SLIT1: variants seen among roughly 807,000 people sequenced by gnomAD.
SLIT1 encodes the protein slit homolog 1 protein.
SLIT1 carries 66 observed loss-of-function variants against 186.1 expected under a neutral mutation model. The ratio of observed to expected loss-of-function variants is 0.35; its 90% CI spans 0.29 to 0.44. SLIT1 has a LOEUF of 0.44. Among genes scored for constraint, SLIT1 ranks in the 20% least tolerant of loss-of-function variants. SLIT1 has a pLI of 1.00. For missense variants in SLIT1, 1,638 were observed against 2,037.4 expected, an observed-to-expected ratio of 0.80 and a Z score of 3.77; for synonymous variants, 761 against 833.8, an observed-to-expected ratio of 0.91 and a Z score of 1.50.
In SLIT1 at chr10:97,002,185, C is replaced by T. The variant is rs953050600; in HGVS notation, c.4339G>A (p.Gly1447Ser). Residue 1447 changes from glycine to serine, a missense_variant, in exon 36 of 37, where the codon GGC becomes AGC. Gly to Ser is a moderately conservative substitution (Grantham distance 56). Transcript: ENST00000266058. ...TGCTCACACAGCTCGCCCGAAAAGC[C>T]GGGGTCACACACACAGTGTGCCCCC... ...TKGAHCVCDP[G>S]FSGELCEQES... The T allele has an allele frequency of 9.3e-6, 14 of 1,501,114 alleles. No individual in the cohort carries two copies. Among genetic ancestry groups the T allele is most frequent in the Admixed American group, 6.7e-5 (3 of 44,860 alleles). 93.0% of individuals were successfully genotyped at this position (1,501,114 alleles called of 1,614,324 possible). A position where few individuals can be genotyped will look rare whatever the true frequency, so the allele number is the denominator to read the frequency against.
At chr10:97,084,079 C>T (rs1399791891) in intron 4 of SLIT1, among the ~76,000 whole-genome samples, 1 of 152,212 alleles carries the variant, frequency 6.6e-6, no homozygotes, top group Non-Finnish European at 1.5e-5. Flanking sequence ...ACTACACCTC[C>T]TGGTCTGGTG....
At chr10:97,073,781 C>T (rs902930438) in intron 4 of SLIT1, among the ~76,000 whole-genome samples, 10 of 151,484 alleles carry the variant, frequency 6.6e-5, no homozygotes, top group African/African-American at 2.4e-4. Context: ...GTCATGTAAC[C>T]TCTCTGGCCC....
chr10:97,013,043 A>G (rs1383630290), intron 30 of SLIT1, among the ~76,000 whole-genome samples: 2 of 152,210 alleles, frequency 1.3e-5, no homozygotes, highest in East Asian at 3.8e-4. Flanking sequence ...ACAGACCAAC[A>G]ACTTTTACCC....
Position 97,066,094 on chromosome 10 carries a change from G to A in SLIT1, c.414-8C>T. ...GCGTTCTCACTCAAGTCCCTGGGAG[G>A]ATAAAGCCAGAGGGAGAGAAAACAC... On this transcript the variant is annotated splice_polypyrimidine_tract_variant and splice_region_variant and intron_variant, in intron 4 of 36. Coordinates refer to ENST00000266058, the MANE Select transcript of SLIT1 (RefSeq NM_003061.3). 2 of 1,594,728 alleles carry A rather than the reference G, an allele frequency of 1.3e-6. No individual in the cohort carries two copies. The highest frequency in any genetic ancestry group is 1.1e-5 in the South Asian group (1 of 88,092).
intron 13 of SLIT1, among the ~76,000 whole-genome samples, chr10:97,055,872 T>C (rs1848831661): frequency 1.3e-5 from 2 of 152,222 alleles, no homozygotes; most frequent in Admixed American, 6.5e-5. Flanking sequence ...CTAAGTGATG[T>C]ACCACTGATT....
At chr10:97,019,233 C>T (rs917775928) in intron 26 of SLIT1, 126 bp from the exon 27 acceptor site, 11 of 647,206 alleles carry the variant, frequency 1.7e-5, no homozygotes, top group East Asian at 2.7e-5. Context: ...TTCCCCAGAT[C>T]GTGCTCACAC....
chr10:97,030,794 C>G lies in SLIT1; in HGVS notation c.2545G>C (p.Glu849Gln). ...LHGNDISTLQ[E>Q]GIFADVTSLS... is the part of the protein sequence containing the mutation. Reference sequence around the variant, plus strand: ...GAGGTCACGTCTGCAAAGATGCCCTCTTGGAGGGTGGAGATGTCATTGCCG... The same window carrying G: ...GAGGTCACGTCTGCAAAGATGCCCTGTTGGAGGGTGGAGATGTCATTGCCG... Residue 849 changes from glutamate (E) to glutamine (Q), a missense_variant, in exon 25 of 37, where the codon GAG becomes CAG. This residue lies in a region of SLIT1 where 1,245 missense variants were observed against 1,535.3 expected (regional missense o/e 0.81). Coordinates refer to ENST00000266058, the MANE Select transcript of SLIT1 (RefSeq NM_003061.3). The G allele has an allele frequency of 6.2e-7, 1 of 1,614,070 alleles. No homozygotes were observed. Among genetic ancestry groups the G allele is most frequent in the Non-Finnish European group, 8.5e-7 (1 of 1,180,000 alleles).
chr10:97,111,836 AT>A (rs1377727162), intron 4 of SLIT1, among the ~76,000 whole-genome samples: 6 of 152,148 alleles, frequency 3.9e-5, no homozygotes, highest in African/African-American at 1.2e-4. Flanking sequence ...ATCGTCTTCA[AT>A]TTAACACACC....
rs1304081880 is a variant in SLIT1, at chr10:97,056,273, A to G, written c.1301+48T>C. On this transcript the variant is annotated intron_variant, in intron 13 of 36. Transcript: ENST00000266058. Reference sequence around the variant, plus strand: ...GTCCCTGGAGGCTGCAACCTCCCCCAGGCCCACCTGCTGGGAGGGGAGAAG... The same window carrying G: ...GTCCCTGGAGGCTGCAACCTCCCCCGGGCCCACCTGCTGGGAGGGGAGAAG... The G allele has an allele frequency of 6.9e-6, 11 of 1,604,770 alleles. No individual in the cohort carries two copies. In the East Asian group the frequency reaches 2.2e-4, roughly 33 times the overall value.
intron 4 of SLIT1, among the ~76,000 whole-genome samples, chr10:97,091,773 A>G (rs892061942): frequency 9.2e-5 from 14 of 152,218 alleles, no homozygotes; most frequent in African/African-American, 3.4e-4. Context: ...AGCTCGTAGG[A>G]GCACAAACAG....
Position 97,021,136 on chromosome 10 carries a change from C to A in SLIT1, c.2746+114G>T. On this transcript the variant is annotated intron_variant, in intron 26 of 36. Transcript: ENST00000266058. The surrounding 1 kb of genome is among the most constrained non-coding windows in gnomAD (Gnocchi z 4.5). Reference sequence around the variant, plus strand: ...AGCCGCAGGTGCCTTGTTCCTGTCCCCTGACCCCCCGCCCAGCGGTCACCA... The same window carrying A: ...AGCCGCAGGTGCCTTGTTCCTGTCCACTGACCCCCCGCCCAGCGGTCACCA... 2 of 1,044,414 alleles carry A rather than the reference C, an allele frequency of 1.9e-6. No homozygotes were observed. The highest frequency in any genetic ancestry group is 3.5e-5 in the South Asian group (2 of 57,838). 64.7% of individuals were successfully genotyped at this position (1,044,414 alleles called of 1,614,324 possible).
chr10:97,141,284 A>G (rs879853791), intron 4 of SLIT1, among the ~76,000 whole-genome samples: 9 of 152,172 alleles, frequency 5.9e-5, no homozygotes, highest in Non-Finnish European at 1.3e-4. Context: ...CCCTGGACCC[A>G]GCTTCTAGAA....
intron 13 of SLIT1, among the ~76,000 whole-genome samples, chr10:97,050,342 T>G (rs1003152589): frequency 7.9e-5 from 12 of 152,174 alleles, no homozygotes; most frequent in African/African-American, 2.9e-4. Context: ...CCAGGGTCTG[T>G]GCCCAGCTCA....
rs375875633 is a variant in SLIT1 at position 97,071,889 on chromosome 10, T to C, written c.414-5803A>G. Among the ~76,000 whole-genome samples the C allele has an allele frequency of 2.8e-4, 43 of 152,346 alleles. No homozygotes were observed. In the South Asian group the frequency reaches 8.9e-3, roughly 32 times the overall value. On this transcript the variant is annotated intron_variant, in intron 4 of 36. Transcript: ENST00000266058. ...TTATAATTAATGGGGTTTGAGTGTC[T>C]GTTTCTTATAATAGCATCAAAGTAC...
At chr10:97,092,395 C>T (rs539291648) in intron 4 of SLIT1, among the ~76,000 whole-genome samples, 2 of 152,300 alleles carry the variant, frequency 1.3e-5, no homozygotes, top group East Asian at 3.9e-4. Flanking sequence ...AAAGTGGGCC[C>T]AAGGATTTGT....
intron 4 of SLIT1, among the ~76,000 whole-genome samples, chr10:97,141,681 T>TGTATCGTATC (rs535747840): frequency 2.1e-5 from 3 of 140,910 alleles, no homozygotes; most frequent in African/African-American, 8.3e-5. Flanking sequence ...TGTATCGTAT[T>TGTATCGTATC]GTATCGTATC....
Position 97,006,433 on chromosome 10 carries a change from G to A in SLIT1, c.3579+50C>T, listed in dbSNP as rs769835432. 7.5e-7 allele frequency: 1 copy of A among 1,331,312 alleles called. No homozygotes were observed. The highest frequency in any genetic ancestry group is 1.7e-5 in the Admixed American group (1 of 58,524). 82.5% of individuals were successfully genotyped at this position (1,331,312 alleles called of 1,614,324 possible). On this transcript the variant is annotated intron_variant, in intron 32 of 36. Coordinates refer to ENST00000266058, the MANE Select transcript of SLIT1 (RefSeq NM_003061.3). This position sits in a 1 kb window ranked among gnomAD's most constrained non-coding sequence, Gnocchi z 4.0. ...ATCCTGATGCTCTGGCCTAAGCCAG[G>A]GTCGCCTGCTCCCTGACTCCCCTCT...
Position 97,049,064 on chromosome 10 carries a change from G to A in SLIT1, c.1356C>T (p.Asp452=), listed in dbSNP as rs561139048. The change falls in exon 14 of 37, where the codon GAC becomes GAT. Residue 452 remains aspartate, a synonymous_variant. Transcript: ENST00000266058. The part of the protein sequence containing the change: ...ICDCNLKWLA[D]FLRTNPIETS... ...TCTCGATGGGATTGGTGCGCAGGAA[G>A]TCTGCCAGCCACTTGAGGTTACAGT... is the stretch of plus-strand genomic sequence containing the variant. The A allele has an allele frequency of 2.4e-5, 38 of 1,613,864 alleles. No homozygotes were observed. In the South Asian group the frequency reaches 4.0e-4, roughly 17 times the overall value.
At chr10:97,097,889 C>A (rs561883458) in intron 4 of SLIT1, among the ~76,000 whole-genome samples, 1 of 152,330 alleles carries the variant, frequency 6.6e-6, no homozygotes, top group South Asian at 2.1e-4. Flanking sequence ...AGAGAGATGG[C>A]AAGCTGTGTT....
Sources: allele counts gnomAD v4.1 joint callset (sites outside exome capture counted in the v4.1 genomes callset), GRCh38; gene constraint gnomAD v4.1.1; regional missense constraint gnomAD v4.1.1; non-coding constraint Gnocchi (gnomAD v3.1); transcripts MANE v1.5; gene names NCBI Gene and HGNC (gene_info 2026-07-23, HGNC 2026-07-21).